The following CEP350 variants were observed in gnomAD, a reference collection of about 807,000 sequenced individuals.
CEP350 encodes centrosome-associated protein 350.
A neutral mutation model predicts 331.8 loss-of-function variants in CEP350; 126 were observed. That is an observed-to-expected ratio of 0.38 (90% CI 0.33 to 0.44). The LOEUF (loss-of-function observed/expected upper bound fraction) is 0.44. CEP350 is among the 20% of genes least tolerant of loss of function. The pLI is 1.00. For synonymous variants in CEP350, 1,200 were observed against 1,259.5 expected, an observed-to-expected ratio of 0.95 and a Z score of 1.00; for missense variants, 3,406 against 3,634.6, an observed-to-expected ratio of 0.94 and a Z score of 1.62.
rs147650359 is a variant in CEP350, at chr1:180,095,912, T to C, written c.8901T>C (p.Ser2967=). 1.1e-5 allele frequency: 17 copies of C among 1,601,458 alleles called. No individual in the cohort carries two copies. Among genetic ancestry groups the C allele is most frequent in the Non-Finnish European group, 1.4e-5 (16 of 1,175,130 alleles). The change falls in exon 35 of 38, where the codon AGT becomes AGC. Residue 2967 remains serine, a synonymous_variant. Coordinates refer to ENST00000367607, the MANE Select transcript of CEP350 (RefSeq NM_014810.5). ...ASKGLDIEST[S]KRVYKQAVFD... The stretch of plus-strand genomic sequence containing the variant: ...AAGGTCTAGATATAGAAAGCACTAG[T>C]AAAAGGGTCTACAAACAGGTAGGTG...
In CEP350 at chr1:180,052,986, A is replaced by C; in HGVS notation, c.4809A>C (p.Ala1603=). 1 of 1,368,750 alleles carries C rather than the reference A, an allele frequency of 7.3e-7. No individual in the cohort carries two copies. 84.8% of individuals were successfully genotyped at this position (1,368,750 alleles called of 1,614,324 possible). A position where few individuals can be genotyped will look rare whatever the true frequency, so the allele number is the denominator to read the frequency against. The change falls in exon 23 of 38, where the codon GCA becomes GCC. Residue 1603 remains alanine (A), a synonymous_variant. Coordinates refer to ENST00000367607, the MANE Select transcript of CEP350 (RefSeq NM_014810.5). The part of the protein sequence containing the change: ...LPDEKDSTSI[A]TEYSLKFDES... ...TTCTTTTAGACTCAACGTCTATTGC[A>C]ACAGAATATTCTCTGAAATTTGATG...
At position 180,031,462 on chromosome 1, in the gene CEP350, C is replaced by T; in HGVS notation, c.3693C>T (p.Ser1231=). 6.5e-7 allele frequency: 1 copy of T among 1,548,678 alleles called. No homozygotes were observed. The highest frequency in any genetic ancestry group is 8.7e-7 in the Non-Finnish European group (1 of 1,146,110). Residue 1231 remains serine, a synonymous_variant, in exon 15 of 38, where the codon AGC becomes AGT. Transcript: ENST00000367607. ...KDFEQTLDTD[S]TLEDLSGHSV... ...TTGAGCAGACTCTTGATACAGATAG[C>T]ACTTTGGAGGATCTTTCTGGACATT...
chr1:180,071,796 G>A (rs957910157), intron 27 of CEP350, among the ~76,000 whole-genome samples: 7 of 151,554 alleles, frequency 4.6e-5, no homozygotes, highest in South Asian at 2.1e-4. Context: ...AAAAAAGAGC[G>A]AATTAAGTAC....
At chr1:180,080,056 A>G (rs996981521) in intron 29 of CEP350, among the ~76,000 whole-genome samples, 2 of 152,170 alleles carry the variant, frequency 1.3e-5, no homozygotes, top group Non-Finnish European at 2.9e-5. Context: ...CAAATCAGGC[A>G]TCTCACTTCC....
chr1:180,084,461 T>C (rs1279216657), intron 31 of CEP350, among the ~76,000 whole-genome samples: 1 of 152,084 alleles, frequency 6.6e-6, no homozygotes, highest in African/African-American at 2.4e-5. Context: ...GCCCCCTGGG[T>C]TCACGCCATT....
intron 1 of CEP350, among the ~76,000 whole-genome samples, chr1:179,971,989 A>T (rs1194042076): frequency 6.6e-6 from 1 of 152,184 alleles, no homozygotes; most frequent in Non-Finnish European, 1.5e-5. Flanking sequence ...AAAGAACCTT[A>T]CAGGTCATAT....
At chr1:180,048,812 T>A in intron 22 of CEP350, 107 bp downstream of exon 22, 2 of 844,656 alleles carry the variant, frequency 2.4e-6, no homozygotes, top group Non-Finnish European at 3.7e-6. Flanking sequence ...CTCATGCCAG[T>A]AATTCCAGCA....
intron 25 of CEP350, among the ~76,000 whole-genome samples, chr1:180,055,512 G>T (rs930339048): frequency 2.1e-5 from 3 of 143,224 alleles, no homozygotes; most frequent in Non-Finnish European, 4.6e-5. Flanking sequence ...AAACATTACA[G>T]ATAATATGAA....
At chr1:180,037,851 A>G (rs1656477627) in intron 17 of CEP350, among the ~76,000 whole-genome samples, 1 of 152,058 alleles carries the variant, frequency 6.6e-6, no homozygotes, top group Admixed American at 6.6e-5. Flanking sequence ...GGGTTTCACC[A>G]TGTTAGCCAG....
At chr1:179,994,456 C>CTTTTT (rs532002663) in intron 5 of CEP350, among the ~76,000 whole-genome samples, 2 of 135,998 alleles carry the variant, frequency 1.5e-5, no homozygotes, top group Non-Finnish European at 3.2e-5. Context: ...TTCTTTCTTT[C>CTTTTT]TTTTTTTTTT....
intron 30 of CEP350, among the ~76,000 whole-genome samples, chr1:180,081,478 C>T (rs1659561639): frequency 6.6e-6 from 1 of 152,148 alleles, no homozygotes; most frequent in Non-Finnish European, 1.5e-5. Flanking sequence ...CTATAATAAA[C>T]ATCTTTATTT....
At chr1:180,022,578 A>G (rs1655399022) in intron 12 of CEP350, 120 bp from the exon 13 acceptor site, 3 of 713,200 alleles carry the variant, frequency 4.2e-6, no homozygotes, top group African/African-American at 1.8e-5. Flanking sequence ...GAAAAGAGGC[A>G]CTATTAAAGG....
At position 179,986,199 on chromosome 1, in the gene CEP350, A is replaced by T; in HGVS notation, c.18A>T (p.Ser6=). The change falls in exon 2 of 38, where the codon TCA becomes TCT. Residue 6 remains serine (S), a synonymous_variant. Transcript: ENST00000367607. MRSSK[S]KEVPLPNPRN... Reference sequence around the variant, plus strand: ...TTGGCAGGATGAGGAGCAGCAAATCAAAAGAGGTGCCTTTACCAAATCCAA... The same window carrying T: ...TTGGCAGGATGAGGAGCAGCAAATCTAAAGAGGTGCCTTTACCAAATCCAA... 6.4e-7 allele frequency: 1 copy of T among 1,551,670 alleles called. No individual in the cohort carries two copies. Among genetic ancestry groups the T allele is most frequent in the South Asian group, 1.2e-5 (1 of 83,994 alleles).
intron 1 of CEP350, chr1:179,969,341 G>T: frequency 1.9e-6 from 1 of 513,078 alleles, no homozygotes. Context: ...GTCAGCTCTG[G>T]AGTTTAACAC....
Position 180,084,091 on chromosome 1 carries a change from A to G in CEP350, c.6198A>G (p.Ser2066=), listed in dbSNP as rs767946390. The change falls in exon 31 of 38, where the codon TCA becomes TCG. Residue 2066 remains serine, a synonymous_variant. Coordinates refer to ENST00000367607, the MANE Select transcript of CEP350 (RefSeq NM_014810.5). ...AGGATGAGTTGCGGAAAAGAAAATCAGTTGTGAACCAGCTGAAGAAGGAAC... is the reference window on the plus strand; with the variant it reads ...AGGATGAGTTGCGGAAAAGAAAATCGGTTGTGAACCAGCTGAAGAAGGAAC... ...ALKDELRKRK[S]VVNQLKKEQK... The G allele has an allele frequency of 5.0e-6, 8 of 1,598,954 alleles. No individual in the cohort carries two copies. The highest frequency in any genetic ancestry group is 6.8e-6 in the Non-Finnish European group (8 of 1,172,126).
At chr1:180,097,786 T>C (rs1323965245) in intron 36 of CEP350, among the ~76,000 whole-genome samples, 1 of 147,244 alleles carries the variant, frequency 6.8e-6, no homozygotes, top group Non-Finnish European at 1.5e-5. Context: ...AGTGTTGATA[T>C]TTTTTAATTT....
chr1:180,016,618 C>T (rs1250008438), intron 11 of CEP350, among the ~76,000 whole-genome samples: 1 of 149,800 alleles, frequency 6.7e-6, no homozygotes, highest in African/African-American at 2.5e-5. Context: ...TCTTTGAGAA[C>T]ACGTAAATAG....
chr1:180,024,538 C>A lies in CEP350; in HGVS notation c.3506C>A (p.Ser1169Tyr), dbSNP rs1448454952. 1.9e-6 allele frequency: 3 copies of A among 1,612,898 alleles called. No individual in the cohort carries two copies. The highest frequency in any genetic ancestry group is 2.5e-6 in the Non-Finnish European group (3 of 1,179,480). ...CAGTCTGCTGCATCGTCTCGTTCAT[C>A]TACTTCTTCTAAAGGAAAGAAAGGA... is the stretch of plus-strand genomic sequence containing the variant. ...GAQSAASSRSSTSSKGKKGKK... is the reference protein window; with the variant it reads ...GAQSAASSRSYTSSKGKKGKK... The change falls in exon 14 of 38, where the codon TCT becomes TAT. Residue 1169 changes from serine to tyrosine, a missense_variant. Transcript: ENST00000367607.
In CEP350 at chr1:180,098,888, A is replaced by G; in HGVS notation, c.9092A>G (p.Lys3031Arg). 6.2e-7 allele frequency: 1 copy of G among 1,613,428 alleles called. No homozygotes were observed. The change falls in exon 37 of 38, where the codon AAG becomes AGG. Residue 3031 changes from lysine (K) to arginine (R), a missense_variant. Lys to Arg is a conservative substitution (Grantham distance 26). This residue lies in a region of CEP350 where 1,415 missense variants were observed against 1,512.3 expected (regional missense o/e 0.94). Transcript: ENST00000367607. ...IKSFIASEVL[K>R]LFSLKKEPNH... is the part of the protein sequence containing the mutation. ...AGCTTCATAGCAAGTGAAGTACTCAAGTTGTTCAGTCTTAAAAAGGAGCCA... is the reference window on the plus strand; with the variant it reads ...AGCTTCATAGCAAGTGAAGTACTCAGGTTGTTCAGTCTTAAAAAGGAGCCA...
Sources: allele counts gnomAD v4.1 joint callset (sites outside exome capture counted in the v4.1 genomes callset), GRCh38; gene constraint gnomAD v4.1.1; regional missense constraint gnomAD v4.1.1; transcripts MANE v1.5; gene names NCBI Gene and HGNC (gene_info 2026-07-23, HGNC 2026-07-21).